The following COPS9 variants were observed in gnomAD, a reference collection of about 807,000 sequenced individuals.
The protein encoded by COPS9 is COP9 signalosome subunit 9, also known as COP9 signalosome complex subunit 9.
COPS9 carries 8 observed loss-of-function variants against 7.2 expected under a neutral mutation model. The observed-to-expected ratio is 1.11, with a 90% CI of 0.65 to 2.00. The LOEUF is 2.00. COPS9 is among the 30% of genes most tolerant of loss of function. The pLI is 0.00. For synonymous variants in COPS9, 39 were observed against 28.7 expected (o/e 1.36, Z -1.14); for missense variants, 74 against 77.7 (o/e 0.95, Z 0.18).
intron 1 of COPS9, 81 bp downstream of exon 1, chr2:240,136,141 G>T (rs1010358262): frequency 7.3e-7 from 1 of 1,377,220 alleles, no homozygotes; most frequent in Middle Eastern, 2.6e-4. Flanking sequence ...CCCTCCCCGG[G>T]ACCCGCGCAC....
upstream of COPS9, chr2:240,136,317 G>T: frequency 6.5e-7 from 1 of 1,535,414 alleles, no homozygotes. Flanking sequence ...CTCACTTCCG[G>T]CCTCAGAGCC....
intron 2 of COPS9, 30 bp from the exon 3 acceptor site, chr2:240,131,118 C>T: frequency 6.2e-7 from 1 of 1,608,846 alleles, no homozygotes; most frequent in South Asian, 1.1e-5. Flanking sequence ...CACGTAGTTA[C>T]ACCTACAAGG....
rs2071936942 is a variant in COPS9, at chr2:240,132,930, G to C, written c.136+1003C>G. Among the ~76,000 whole-genome samples the C allele has an allele frequency of 6.6e-6, 1 of 152,198 alleles. No homozygotes were observed. The highest frequency in any genetic ancestry group is 3.2e-3 in the Middle Eastern group (1 of 316). On this transcript the variant is annotated intron_variant, in intron 2 of 2. Coordinates refer to ENST00000607357, the MANE Select transcript of COPS9 (RefSeq NM_001163424.2). The surrounding 1 kb of genome is among the most constrained non-coding windows in gnomAD (Gnocchi z 4.1). ...TCCAGGCTCATCTCAAATGTCATCTGCCTCAGTTCTGACTCCAGTTGGTAG... is the reference window on the plus strand; with the variant it reads ...TCCAGGCTCATCTCAAATGTCATCTCCCTCAGTTCTGACTCCAGTTGGTAG...
At chr2:240,131,568 T>C (rs1574947337) in intron 2 of COPS9, among the ~76,000 whole-genome samples, 1 of 152,102 alleles carries the variant, frequency 6.6e-6, no homozygotes, top group Admixed American at 6.5e-5. Context: ...TGCAGAAAGG[T>C]GAAGCCTCCA....
chr2:240,132,617 T>A lies in COPS9; in HGVS notation c.136+1316A>T, dbSNP rs1013792450. On this transcript the variant is annotated intron_variant, in intron 2 of 2. Coordinates refer to ENST00000607357, the MANE Select transcript of COPS9 (RefSeq NM_001163424.2). The surrounding 1 kb of genome is among the most constrained non-coding windows in gnomAD (Gnocchi z 4.1). ...ATTCAAGGGCTGACTCTGGAAGTCA[T>A]GTGAACTCAAACACTAGAACACAGC... Among the ~76,000 whole-genome samples the A allele has an allele frequency of 3.3e-5, 5 of 152,218 alleles. No individual in the cohort carries two copies. Among genetic ancestry groups the A allele is most frequent in the African/African-American group, 1.2e-4 (5 of 41,456 alleles).
intron 2 of COPS9, among the ~76,000 whole-genome samples, chr2:240,133,626 C>G (rs747740): frequency 0.3 from 45,420 of 152,064 alleles, 7,521 homozygotes; most frequent in East Asian, 0.54. Context: ...GGGGTGAGGG[C>G]CCAGACCTGG....
intron 1 of COPS9, 37 bp downstream of exon 1, chr2:240,136,185 T>C: frequency 1.4e-6 from 2 of 1,443,888 alleles, no homozygotes; most frequent in Non-Finnish European, 9.1e-7. Flanking sequence ...CCTTCCCCGC[T>C]CCCCACGCTC....
intron 2 of COPS9, among the ~76,000 whole-genome samples, chr2:240,131,369 G>C (rs78869736): frequency 0.015 from 2,358 of 152,276 alleles, 44 homozygotes; most frequent in East Asian, 0.089. Flanking sequence ...GGACACCACC[G>C]CACAGCCACA....
At chr2:240,130,726 G>A (rs112199454), downstream of COPS9, 301 of 1,059,504 alleles carry the variant, frequency 2.8e-4, 2 homozygotes, top group East Asian at 2.5e-3. Context: ...TTCTCTCAGC[G>A]TGCTGACAGA....
chr2:240,128,928 T>C (rs968402544), downstream of COPS9, among the ~76,000 whole-genome samples: 1 of 152,232 alleles, frequency 6.6e-6, no homozygotes. Context: ...GACACTGACA[T>C]GCACACATGT....
chr2:240,129,957 T>C (rs768622084), downstream of COPS9: 3 of 1,613,996 alleles, frequency 1.9e-6, no homozygotes, highest in East Asian at 2.2e-5. Context: ...ACGGACCCCG[T>C]GCTCCGACTG....
intron 1 of COPS9, 28 bp from the exon 2 acceptor site, chr2:240,134,033 C>T (rs3749078): frequency 0.31 from 504,443 of 1,612,058 alleles, 80,612 homozygotes; most frequent in African/African-American, 0.39. Context: ...AAGGTTATGT[C>T]AGGTGCGTTT....
chr2:240,133,924 C>T lies in COPS9; in HGVS notation c.136+9G>A. The T allele has an allele frequency of 6.2e-7, 1 of 1,613,720 alleles. No individual in the cohort carries two copies. Among genetic ancestry groups the T allele is most frequent in the Non-Finnish European group, 8.5e-7 (1 of 1,179,720 alleles). On this transcript the variant is annotated intron_variant, in intron 2 of 2. Coordinates refer to ENST00000607357, the MANE Select transcript of COPS9 (RefSeq NM_001163424.2). ...ATTAAATCTGGCATCCCATTCCAAG[C>T]ATCCTTACCGTTAAAAAAGTCTGCA... is the stretch of plus-strand genomic sequence containing the variant.
At chr2:240,129,667 A>T (rs2071900903), downstream of COPS9, among the ~76,000 whole-genome samples, 2 of 152,188 alleles carry the variant, frequency 1.3e-5, no homozygotes, top group South Asian at 4.1e-4. Flanking sequence ...GTTGTTCCCC[A>T]CAGAGCCCTC....
downstream of COPS9, chr2:240,126,970 T>C: frequency 6.2e-7 from 1 of 1,601,346 alleles, no homozygotes; most frequent in Non-Finnish European, 8.5e-7. Flanking sequence ...CTCGTGACAC[T>C]AGAACGAGGT....
At chr2:240,127,449 C>T (rs116003730), downstream of COPS9, among the ~76,000 whole-genome samples, 642 of 152,296 alleles carry the variant, frequency 4.2e-3, 8 homozygotes, top group African/African-American at 0.015. Flanking sequence ...GGTGGCGTGG[C>T]ACTGCCCACA....
At chr2:240,130,072 T>C (rs981255157), downstream of COPS9, 33 of 1,517,648 alleles carry the variant, frequency 2.2e-5, no homozygotes, top group Non-Finnish European at 3.0e-5. Flanking sequence ...GATGACAGGG[T>C]GGAAATCCAC....
Position 240,136,290 on chromosome 2 carries a change from G to T in COPS9, c.-6C>A. On this transcript the variant is annotated 5_prime_UTR_variant, in exon 1 of 3. Coordinates refer to ENST00000607357, the MANE Select transcript of COPS9 (RefSeq NM_001163424.2). ...TCGTCCACCGCCGGCTTCATCTCGG[G>T]GCCGCGGCGCTCTAGGCTCACTTCC... 1 of 1,562,814 alleles carries T rather than the reference G, an allele frequency of 6.4e-7. No homozygotes were observed. Among genetic ancestry groups the T allele is most frequent in the Non-Finnish European group, 8.6e-7 (1 of 1,158,516 alleles).
rs2071991044 is a variant in COPS9, at chr2:240,136,277, G to A, written c.8C>T (p.Pro3Leu). The change falls in exon 1 of 3, where the codon CCG becomes CTG. Residue 3 changes from proline (P) to leucine (L), a missense_variant. Transcript: ENST00000607357. MK[P>L]AVDEMFPEGA... ...CTCGGGGAACATCTCGTCCACCGCC[G>A]GCTTCATCTCGGGGCCGCGGCGCTC... The A allele has an allele frequency of 1.9e-6, 3 of 1,570,024 alleles. No homozygotes were observed. Among genetic ancestry groups the A allele is most frequent in the Non-Finnish European group, 2.6e-6 (3 of 1,162,004 alleles).
Sources: gnomAD v4.1 joint callset for allele counts (sites outside exome capture counted in the v4.1 genomes callset) on GRCh38, gnomAD v4.1.1 for gene constraint, Gnocchi (gnomAD v3.1) non-coding constraint, MANE v1.5 for transcripts, NCBI Gene and HGNC (gene_info 2026-07-23, HGNC 2026-07-21) for gene names.